The following MFF variants were observed in gnomAD, a reference collection of about 807,000 sequenced individuals.
MFF encodes the protein mitochondrial fission factor.
Under a neutral mutation model 36.9 loss-of-function variants are expected in MFF, and 12 were observed. That is an observed-to-expected ratio of 0.33 (90% CI 0.21 to 0.53). The LOEUF (loss-of-function observed/expected upper bound fraction) is 0.53, where lower values mean the gene tolerates loss of function less well. Among genes scored for constraint, MFF ranks in the 20% least tolerant of loss-of-function variants. The pLI is 0.95. For synonymous variants in MFF, 99 were observed against 126.2 expected (o/e 0.78, Z 1.44); for missense variants, 348 against 366.6 (o/e 0.95, Z 0.42).
At chr2:227,330,390 A>C in intron 2 of MFF, 1 of 479,450 alleles carries the variant, frequency 2.1e-6, no homozygotes. Context: ...ATAATAATTT[A>C]AAAAATTTGC....
At chr2:227,341,066 G>A (rs543663900) in intron 5 of MFF, among the ~76,000 whole-genome samples, 54 of 152,184 alleles carry the variant, frequency 3.5e-4, no homozygotes, top group Middle Eastern at 3.4e-3. Context: ...TCATGTAAGC[G>A]TCTGTGGAAA....
chr2:227,356,338 G>A (rs897806753), intron 8 of MFF, among the ~76,000 whole-genome samples: 1 of 152,144 alleles, frequency 6.6e-6, no homozygotes, highest in African/African-American at 2.4e-5. Context: ...AAGATCAGTA[G>A]GAGAACACAA....
At chr2:227,340,563 C>A in intron 5 of MFF, 183 bp downstream of exon 5, 1 of 550,190 alleles carries the variant, frequency 1.8e-6, no homozygotes, top group South Asian at 2.1e-5. Context: ...GAGAATTTTT[C>A]AGTCACCTTA....
intron 5 of MFF, 80 bp from the exon 6 acceptor site, chr2:227,347,146 G>T: frequency 7.8e-7 from 1 of 1,281,372 alleles, no homozygotes; most frequent in Admixed American, 1.8e-5. Context: ...AGAAAATTAA[G>T]ATAAAGACTG....
chr2:227,344,913 T>G (rs1199320720), intron 5 of MFF, among the ~76,000 whole-genome samples: 1 of 152,212 alleles, frequency 6.6e-6, no homozygotes, highest in Non-Finnish European at 1.5e-5. Flanking sequence ...TGATAAAAAC[T>G]TAATTTCATC....
intron 7 of MFF, chr2:227,355,417 A>G (rs1395841995): frequency 2.5e-5 from 6 of 242,418 alleles, no homozygotes; most frequent in South Asian, 8.4e-5. Flanking sequence ...AGAATTTTCT[A>G]TGTGTTTCTT....
chr2:227,355,804 A>T (rs371311952), intron 8 of MFF, 43 bp downstream of exon 8: 1 of 1,236,068 alleles, frequency 8.1e-7, no homozygotes, highest in Non-Finnish European at 1.2e-6. Flanking sequence ...AGTTATATTC[A>T]TACAATATTT....
chr2:227,328,655 T>G (rs1196690199), intron 1 of MFF, 23 bp from the exon 2 acceptor site: 1 of 149,952 alleles, frequency 6.7e-6, no homozygotes, highest in Non-Finnish European at 1.5e-5. Flanking sequence ...GTTTCTCAAT[T>G]AGCCCCTGTT....
At chr2:227,352,647 T>G in intron 7 of MFF, 74 bp downstream of exon 7, 3 of 1,161,656 alleles carry the variant, frequency 2.6e-6, no homozygotes, top group Non-Finnish European at 3.7e-6. Context: ...ATGTTGCATG[T>G]CGTAGCCATG....
intron 6 of MFF, chr2:227,351,715 G>A (rs2076004001): frequency 6.6e-6 from 1 of 152,208 alleles, no homozygotes; most frequent in Non-Finnish European, 1.5e-5. Flanking sequence ...AAAGGTTACT[G>A]CTTATCAAAG....
At chr2:227,331,049 CAT>C (rs2074535886) in intron 3 of MFF, among the ~76,000 whole-genome samples, 2 of 152,154 alleles carry the variant, frequency 1.3e-5, no homozygotes, top group Admixed American at 6.5e-5. Context: ...GTTTTACACA[CAT>C]AAAATGTATA....
intron 6 of MFF, among the ~76,000 whole-genome samples, chr2:227,350,742 C>T (rs1574985515): frequency 6.6e-6 from 1 of 152,146 alleles, no homozygotes; most frequent in South Asian, 2.1e-4. Context: ...CAAAAAATGT[C>T]AGTACGCAAG....
chr2:227,337,455 G>A (rs2075091199), intron 4 of MFF, among the ~76,000 whole-genome samples: 1 of 152,204 alleles, frequency 6.6e-6, no homozygotes, highest in Non-Finnish European at 1.5e-5. Flanking sequence ...GTAGATTCCT[G>A]AAGAAGAGGT....
chr2:227,340,587 A>G (rs2075335760), intron 5 of MFF: 1 of 481,966 alleles, frequency 2.1e-6, no homozygotes, highest in East Asian at 3.6e-5. Context: ...TTTCCTGTGT[A>G]GTATGATTTG....
chr2:227,325,609 C>T (rs1029184113), intron 1 of MFF, 182 bp downstream of exon 1: 7 of 152,298 alleles, frequency 4.6e-5, no homozygotes, highest in Admixed American at 6.5e-5. Context: ...TTTCCTCCTC[C>T]CCGGGACCTT....
chr2:227,355,856 G>T, intron 8 of MFF, 95 bp downstream of exon 8: 1 of 746,986 alleles, frequency 1.3e-6, no homozygotes, highest in Non-Finnish European at 2.3e-6. Context: ...TCTCTCCTGT[G>T]GGACTATCAA....
chr2:227,341,704 C>A (rs1004814915), intron 5 of MFF, among the ~76,000 whole-genome samples: 1 of 152,078 alleles, frequency 6.6e-6, no homozygotes, highest in African/African-American at 2.4e-5. Flanking sequence ...TCTTGATCTG[C>A]TTTAGAGTGA....
rs963778705 is a variant in MFF, at chr2:227,345,320, C to T, written c.441-1906C>T. Among the ~76,000 whole-genome samples, 4 of 152,126 alleles carry T rather than the reference C, an allele frequency of 2.6e-5. 1 individual carries two copies. The highest frequency in any genetic ancestry group is 9.7e-5 in the African/African-American group (4 of 41,418). ...TTCATGGATTTGAGTTTAGTTCATTCATACTGTTGCCCCAAGATTATAATT... is the reference window on the plus strand; with the variant it reads ...TTCATGGATTTGAGTTTAGTTCATTTATACTGTTGCCCCAAGATTATAATT... On this transcript the variant is annotated intron_variant, in intron 5 of 8. Coordinates refer to ENST00000304593, the MANE Select transcript of MFF (RefSeq NM_001277062.2).
chr2:227,339,344 G>A (rs918981799), intron 4 of MFF, among the ~76,000 whole-genome samples: 1 of 152,212 alleles, frequency 6.6e-6, no homozygotes, highest in Non-Finnish European at 1.5e-5. Context: ...GCATTCTGTG[G>A]GTTAGGTATT....
Sources: allele counts gnomAD v4.1 joint callset (sites outside exome capture counted in the v4.1 genomes callset), GRCh38; gene constraint gnomAD v4.1.1; transcripts MANE v1.5; gene names NCBI Gene and HGNC (gene_info 2026-07-23, HGNC 2026-07-21).